METTL16: variants seen among roughly 807,000 people sequenced by gnomAD.
The protein encoded by METTL16 is RNA N(6)-adenosine-methyltransferase METTL16.
Under a neutral mutation model 57.9 loss-of-function variants are expected in METTL16, and 19 were observed. The observed-to-expected ratio is 0.33, with a 90% CI of 0.23 to 0.48. The LOEUF (loss-of-function observed/expected upper bound fraction) is 0.48, where lower values mean the gene tolerates loss of function less well. Among genes scored for constraint, METTL16 ranks in the 20% least tolerant of loss-of-function variants. METTL16 has a pLI of 0.99. For synonymous variants in METTL16, 246 were observed against 255.6 expected (o/e 0.96, Z 0.36); for missense variants, 434 against 691.5 (o/e 0.63, Z 4.18).
chr17:2,427,347 C>T (rs1395725115), intron 8 of METTL16, among the ~76,000 whole-genome samples: 1 of 152,048 alleles, frequency 6.6e-6, no homozygotes, highest in Non-Finnish European at 1.5e-5. Flanking sequence ...AAAAAAGGCA[C>T]TCCCTAAAAA....
chr17:2,468,891 T>TA (rs995680552), intron 4 of METTL16, among the ~76,000 whole-genome samples: 2 of 150,014 alleles, frequency 1.3e-5, no homozygotes, highest in African/African-American at 4.9e-5. Context: ...CTGTCTCTAA[T>TA]AAAAAAATGT....
intron 4 of METTL16, among the ~76,000 whole-genome samples, chr17:2,469,637 G>C (rs1051016397): frequency 2.0e-5 from 3 of 152,096 alleles, no homozygotes; most frequent in Admixed American, 6.6e-5. Context: ...CGATTCTCCT[G>C]CCTCAGCCTC....
intron 2 of METTL16, among the ~76,000 whole-genome samples, chr17:2,499,820 C>A (rs1240560570): frequency 6.6e-6 from 1 of 152,144 alleles, no homozygotes; most frequent in Non-Finnish European, 1.5e-5. Context: ...GTGGCATGAT[C>A]TCGGTTCACT....
intron 3 of METTL16, chr17:2,477,371 C>T (rs935247521): frequency 7.8e-6 from 2 of 256,390 alleles, no homozygotes; most frequent in Admixed American, 4.8e-5. Context: ...ATCCAAAATG[C>T]TTGGGATGAG....
chr17:2,461,816 T>G (rs989529500), intron 6 of METTL16, among the ~76,000 whole-genome samples: 9 of 152,182 alleles, frequency 5.9e-5, no homozygotes, highest in African/African-American at 9.7e-5. Context: ...TGACCTCAGG[T>G]GATCCACCCG....
chr17:2,477,325 G>GATCTCGGTGGTCGCAGTATCAT, intron 3 of METTL16: 1 of 213,472 alleles, frequency 4.7e-6, no homozygotes, highest in East Asian at 1.1e-4. Flanking sequence ...GCCAGGTGTA[G>GATCTCGGTGGTCGCAGTATCAT]TAAAAAAGAA....
intron 1 of METTL16, among the ~76,000 whole-genome samples, chr17:2,511,218 CT>C (rs5818862): frequency 0.81 from 119,300 of 146,794 alleles, 49,530 homozygotes; most frequent in Non-Finnish European, 0.91. Context: ...GAGGCTTTCC[CT>C]TTTTTTTTTT....
At chr17:2,480,450 T>C (rs557113269) in intron 2 of METTL16, among the ~76,000 whole-genome samples, 2 of 152,124 alleles carry the variant, frequency 1.3e-5, no homozygotes, top group Non-Finnish European at 2.9e-5. Context: ...ATGACTATAG[T>C]GGACCCTGAA....
intron 5 of METTL16, among the ~76,000 whole-genome samples, chr17:2,466,790 T>C (rs774912052): frequency 4.6e-5 from 7 of 151,264 alleles, no homozygotes; most frequent in Non-Finnish European, 8.9e-5. Flanking sequence ...TACATTGTTA[T>C]TTTTTTTTGT....
At chr17:2,422,555 A>G (rs1259808830) in intron 8 of METTL16, among the ~76,000 whole-genome samples, 3 of 151,712 alleles carry the variant, frequency 2.0e-5, no homozygotes, top group Non-Finnish European at 4.4e-5. Flanking sequence ...TATTTTTAGT[A>G]GAGACGGGGT....
At chr17:2,423,647 C>T (rs972596160) in intron 8 of METTL16, among the ~76,000 whole-genome samples, 1 of 152,082 alleles carries the variant, frequency 6.6e-6, no homozygotes, top group Non-Finnish European at 1.5e-5. Flanking sequence ...CCCTCCCTGC[C>T]AGCCCGCCCT....
Position 2,419,161 on chromosome 17 carries a change from G to A in METTL16, c.*809C>T, listed in dbSNP as rs1332939905. 1 of 155,252 alleles carries A rather than the reference G, an allele frequency of 6.4e-6. No homozygotes were observed. Among genetic ancestry groups the A allele is most frequent in the Non-Finnish European group, 1.4e-5 (1 of 70,128 alleles). The allele number at this position is 155,252 out of a possible 1,614,324, so 9.6% of individuals were successfully genotyped here. On this transcript the variant is annotated 3_prime_UTR_variant, in exon 10 of 10. Coordinates refer to ENST00000263092, the MANE Select transcript of METTL16 (RefSeq NM_024086.4). ...ACCCCAGGATTCAAATAGGACCGCT[G>A]GTTTTTAATTTGTGAATATTCTTAT...
intron 1 of METTL16, among the ~76,000 whole-genome samples, chr17:2,503,934 T>C (rs1224029196): frequency 1.3e-5 from 2 of 151,944 alleles, no homozygotes; most frequent in African/African-American, 2.4e-5. Flanking sequence ...CAAAATACGA[T>C]ATACCCATAC....
chr17:2,464,524 T>C (rs1465349359), intron 5 of METTL16, among the ~76,000 whole-genome samples, 174 bp from the exon 6 acceptor site: 4 of 152,242 alleles, frequency 2.6e-5, no homozygotes, highest in African/African-American at 9.6e-5. Flanking sequence ...AAACAGCTAC[T>C]TCATGCAACT....
At chr17:2,435,848 GAA>G (rs2066905320) in intron 8 of METTL16, among the ~76,000 whole-genome samples, 1 of 152,032 alleles carries the variant, frequency 6.6e-6, no homozygotes, top group South Asian at 2.1e-4. Flanking sequence ...TGAGAACTAT[GAA>G]CGGGGCTGAA....
chr17:2,424,105 TTATTTTA>T (rs1211282163), intron 8 of METTL16: 1 of 72,706 alleles, frequency 1.4e-5, no homozygotes, highest in African/African-American at 4.9e-5. Flanking sequence ...TTATTTTATT[TTATTTTA>T]TTATTTTATT....
chr17:2,465,887 A>AC (rs1022134553), intron 5 of METTL16, among the ~76,000 whole-genome samples: 1 of 151,162 alleles, frequency 6.6e-6, no homozygotes, highest in African/African-American at 2.4e-5. Context: ...GACCTCAAAA[A>AC]AAAAAGGACA....
At chr17:2,490,175 G>A (rs543525158) in intron 2 of METTL16, among the ~76,000 whole-genome samples, 7 of 151,960 alleles carry the variant, frequency 4.6e-5, no homozygotes, top group South Asian at 2.1e-4. Flanking sequence ...TAGATGCGTC[G>A]GGTGGAGACT....
chr17:2,474,651 C>T lies in METTL16; in HGVS notation c.329-987G>A, dbSNP rs541256456. Among the ~76,000 whole-genome samples, 20 of 152,282 alleles carry T rather than the reference C, an allele frequency of 1.3e-4. No individual in the cohort carries two copies. The East Asian group carries it at 1.4e-3, about 10-fold the overall frequency. On this transcript the variant is annotated intron_variant, in intron 3 of 9. Transcript: ENST00000263092. Reference sequence around the variant, plus strand: ...AAGAATATTGTTTTTACAGGCCGGGCGTGGTGGCTCACACCTGTAGTCCCA... The same window carrying T: ...AAGAATATTGTTTTTACAGGCCGGGTGTGGTGGCTCACACCTGTAGTCCCA...
Sources: gnomAD v4.1 joint callset for allele counts (sites outside exome capture counted in the v4.1 genomes callset) on GRCh38, gnomAD v4.1.1 for gene constraint, MANE v1.5 for transcripts, NCBI Gene and HGNC (gene_info 2026-07-23, HGNC 2026-07-21) for gene names.